Variants in VPS50 observed in about 807,000 individuals in gnomAD.
VPS50 encodes syndetin.
A neutral mutation model predicts 139.7 loss-of-function variants in VPS50; 70 were observed. The ratio of observed to expected loss-of-function variants is 0.50; its 90% CI spans 0.41 to 0.61. The LOEUF is 0.61. VPS50 is among the 20% of genes least tolerant of loss of function. The pLI, the probability that VPS50 is intolerant of heterozygous loss-of-function variation, is 0.00. For missense variants in VPS50, 921 were observed against 1,133.7 expected (o/e 0.81, Z 2.69); for synonymous variants, 365 against 376.7 (o/e 0.97, Z 0.36).
At chr7:93,233,862 C>A (rs181769699) in intron 1 of VPS50, among the ~76,000 whole-genome samples, 399 of 152,250 alleles carry the variant, frequency 2.6e-3, no homozygotes, top group Non-Finnish European at 4.3e-3. Flanking sequence ...GTGGTGTTTA[C>A]ATGATATAAT....
intron 21 of VPS50, among the ~76,000 whole-genome samples, chr7:93,328,888 T>C (rs1363330187): frequency 6.6e-6 from 1 of 151,930 alleles, no homozygotes; most frequent in Admixed American, 6.6e-5. Context: ...CCATGATCCA[T>C]GATTATATGG....
At chr7:93,336,431 G>A (rs1381617279) in intron 22 of VPS50, among the ~76,000 whole-genome samples, 4 of 152,306 alleles carry the variant, frequency 2.6e-5, no homozygotes, top group East Asian at 3.9e-4. Flanking sequence ...TGGTATAGGC[G>A]ATAGTGACAG....
intron 23 of VPS50, among the ~76,000 whole-genome samples, chr7:93,345,885 A>G (rs1798378466): frequency 6.6e-6 from 1 of 152,216 alleles, no homozygotes; most frequent in African/African-American, 2.4e-5. Context: ...TGAATGGGCA[A>G]AAACTGGAAG....
chr7:93,237,882 C>G (rs1327922395), intron 1 of VPS50, among the ~76,000 whole-genome samples: 1 of 152,074 alleles, frequency 6.6e-6, no homozygotes, highest in Non-Finnish European at 1.5e-5. Context: ...TTTTCCTGAT[C>G]CTCTCTCTCC....
chr7:93,339,241 A>G (rs1337788458), intron 22 of VPS50, among the ~76,000 whole-genome samples: 1 of 151,756 alleles, frequency 6.6e-6, no homozygotes, highest in Non-Finnish European at 1.5e-5. Flanking sequence ...TCCCTAGAGG[A>G]AGCACAGTTA....
rs1022836140 is a variant in VPS50, at chr7:93,321,775, C to A, written c.1856-1836C>A. ...ATCTTTTCGGGAATGGAGAGGACCT[C>A]GTGTTCTAGATGCATGCCAGCCTAC... On this transcript the variant is annotated intron_variant, in intron 20 of 27. Coordinates refer to ENST00000305866, the MANE Select transcript of VPS50 (RefSeq NM_017667.4). 1.3e-5 allele frequency among the ~76,000 whole-genome samples: 2 copies of A among 152,156 alleles called. 1 individual carries two copies. The highest frequency in any genetic ancestry group is 1.3e-4 in the Admixed American group (2 of 15,278).
intron 18 of VPS50, among the ~76,000 whole-genome samples, chr7:93,306,417 A>C (rs186973169): frequency 2.6e-4 from 40 of 151,978 alleles, no homozygotes; most frequent in Non-Finnish European, 4.4e-4. Flanking sequence ...CCCTTTATCT[A>C]AGAGAAAGTG....
chr7:93,308,971 A>G, intron 19 of VPS50, 29 bp downstream of exon 19: 1 of 1,176,002 alleles, frequency 8.5e-7, no homozygotes, highest in Non-Finnish European at 1.3e-6. Context: ...TGTGGTATTT[A>G]GCATTTTATC....
At chr7:93,238,570 T>G (rs946237074) in intron 1 of VPS50, among the ~76,000 whole-genome samples, 3 of 152,200 alleles carry the variant, frequency 2.0e-5, no homozygotes, top group Admixed American at 6.5e-5. Flanking sequence ...CTACTTTGGC[T>G]GAGGTATTGT....
At chr7:93,265,134 C>T (rs1795802079) in intron 9 of VPS50, among the ~76,000 whole-genome samples, 1 of 151,976 alleles carries the variant, frequency 6.6e-6, no homozygotes, top group African/African-American at 2.4e-5. Context: ...TTACAGCTTA[C>T]TAATTTTTTA....
intron 9 of VPS50, among the ~76,000 whole-genome samples, chr7:93,261,961 A>G (rs911495704): frequency 1.3e-5 from 2 of 152,192 alleles, no homozygotes; most frequent in Non-Finnish European, 2.9e-5. Context: ...CCTTTTGGGG[A>G]CAGATTTGGT....
At chr7:93,274,227 A>T (rs1277605251) in intron 11 of VPS50, among the ~76,000 whole-genome samples, 4 of 152,162 alleles carry the variant, frequency 2.6e-5, no homozygotes, top group Non-Finnish European at 5.9e-5. Flanking sequence ...ACAGATTTTC[A>T]GTGTACACGG....
intron 9 of VPS50, among the ~76,000 whole-genome samples, chr7:93,261,582 G>C (rs1051270680): frequency 6.6e-6 from 1 of 150,746 alleles, no homozygotes; most frequent in African/African-American, 2.4e-5. Context: ...GGAGGCTGAG[G>C]CAGGAGAATG....
intron 2 of VPS50, among the ~76,000 whole-genome samples, chr7:93,248,779 A>G (rs1795229007): frequency 6.6e-6 from 1 of 152,152 alleles, no homozygotes; most frequent in Non-Finnish European, 1.5e-5. Context: ...ACATTTGGAC[A>G]ATGATTAGGT....
At position 93,341,487 on chromosome 7, in the gene VPS50, C is replaced by T; in HGVS notation, c.2119C>T (p.Pro707Ser). The change falls in exon 23 of 28, where the codon CCA (proline) becomes TCA (serine). Residue 707 changes from proline (P) to serine (S), a missense_variant. This residue lies in a region of VPS50 where 744 missense variants were observed against 930.6 expected (regional missense o/e 0.80). Transcript: ENST00000305866. ...TAAEERKEKV[P>S]SPHLSHLVVL... ...AGCAGAAGAAAGAAAGGAGAAGGTG[C>T]CAAGTCCACACCTCAGTCACCTAGT... The T allele has an allele frequency of 6.2e-7, 1 of 1,611,416 alleles. No homozygotes were observed. Among genetic ancestry groups the T allele is most frequent in the Non-Finnish European group, 8.5e-7 (1 of 1,177,954 alleles).
At chr7:93,280,627 G>C (rs1211517795) in intron 12 of VPS50, among the ~76,000 whole-genome samples, 2 of 152,040 alleles carry the variant, frequency 1.3e-5, no homozygotes, top group African/African-American at 2.4e-5. Flanking sequence ...GAAAGTTTAT[G>C]AAGTATTCAT....
chr7:93,258,551 C>A (rs373803205), intron 8 of VPS50, among the ~76,000 whole-genome samples, 159 bp downstream of exon 8: 1 of 151,904 alleles, frequency 6.6e-6, no homozygotes, highest in African/African-American at 2.4e-5. Flanking sequence ...TGCTCTGGAG[C>A]CTTTTTCTAT....
intron 2 of VPS50, among the ~76,000 whole-genome samples, chr7:93,243,240 AT>A (rs1456235831): frequency 3.9e-5 from 6 of 152,096 alleles, no homozygotes; most frequent in Middle Eastern, 3.4e-3. Flanking sequence ...TTTTAGACAG[AT>A]TTCAGGAATT....
At chr7:93,336,598 C>G (rs1022724826) in intron 22 of VPS50, among the ~76,000 whole-genome samples, 2 of 152,208 alleles carry the variant, frequency 1.3e-5, no homozygotes, top group African/African-American at 4.8e-5. Context: ...ACTGCAACCT[C>G]CACCTCCCAG....
Sources: allele counts gnomAD v4.1 joint callset (sites outside exome capture counted in the v4.1 genomes callset), GRCh38; gene constraint gnomAD v4.1.1; regional missense constraint gnomAD v4.1.1; transcripts MANE v1.5; gene names NCBI Gene and HGNC (gene_info 2026-07-23, HGNC 2026-07-21).